The following CXCL16 variants were observed in gnomAD, a reference collection of about 807,000 sequenced individuals.
CXCL16 encodes the protein C-X-C motif chemokine ligand 16.
A neutral mutation model predicts 23.8 loss-of-function variants in CXCL16; 18 were observed. The ratio of observed to expected loss-of-function variants is 0.76; its 90% confidence interval spans 0.52 to 1.12. CXCL16 has a LOEUF of 1.12. Among genes scored for constraint, CXCL16 ranks in the 50% most tolerant of loss-of-function variants. CXCL16 has a pLI of 0.00. For missense variants in CXCL16, 297 were observed against 315.4 expected (o/e 0.94, Z 0.44); for synonymous variants, 123 against 132.5 (o/e 0.93, Z 0.49).
chr17:4,734,968 G>T, intron 4 of CXCL16, 124 bp downstream of exon 4: 1 of 953,812 alleles, frequency 1.0e-6, no homozygotes, highest in Non-Finnish European at 1.6e-6. Flanking sequence ...AGTCAACCTT[G>T]TGCAGACAAC....
Position 4,738,909 on chromosome 17 carries a change from C to G in CXCL16, c.91G>C (p.Glu31Gln). Residue 31 changes from glutamate to glutamine, a missense_variant, in exon 2 of 6, where the codon GAG becomes CAG. Glu to Gln is a conservative substitution (Grantham distance 29). Transcript: ENST00000293778. This position sits in a 1 kb window ranked among gnomAD's most constrained non-coding sequence, Gnocchi z 4.0. Reference protein sequence around the residue: ...VYLTQPGNGNEGSVTGSCYCG... With the variant: ...VYLTQPGNGNQGSVTGSCYCG... ...TAACAACTTCCAGTGACGCTGCCCT[C>G]GTTGCCATTGCCTGCGCGGGACGGA... is the stretch of plus-strand genomic sequence containing the variant. 1 of 1,613,976 alleles carries G rather than the reference C, an allele frequency of 6.2e-7. No individual in the cohort carries two copies. The highest frequency in any genetic ancestry group is 2.2e-5 in the East Asian group (1 of 44,866).
rs1216613010 is a variant in CXCL16, at chr17:4,739,343, G to C, written c.-4C>G. On this transcript the variant is annotated 5_prime_UTR_variant, in exon 1 of 6. Coordinates refer to ENST00000293778, the MANE Select transcript of CXCL16 (RefSeq NM_001386809.1). The surrounding 1 kb of genome is among the most constrained non-coding windows in gnomAD (Gnocchi z 5.3). ...CGGGCCGCAAGTCCCGTCCCATCTC[G>C]GGGCTCCGCGGACTCTGCGGGGATG... 1.2e-6 allele frequency: 2 copies of C among 1,613,156 alleles called. No individual in the cohort carries two copies. Among genetic ancestry groups the C allele is most frequent in the Non-Finnish European group, 1.7e-6 (2 of 1,179,736 alleles).
chr17:4,739,183 G>T lies in CXCL16; in HGVS notation c.79+78C>A. ...GCTGCCTTCATCCACTCAACTCCGT[G>T]GGCCTCGTGTCCCCTCCCCAACTCA... On this transcript the variant is annotated intron_variant, in intron 1 of 5. Coordinates refer to ENST00000293778, the MANE Select transcript of CXCL16 (RefSeq NM_001386809.1). The surrounding 1 kb of genome is among the most constrained non-coding windows in gnomAD (Gnocchi z 5.3). 12 of 1,513,548 alleles carry T rather than the reference G, an allele frequency of 7.9e-6. No individual in the cohort carries two copies. In the South Asian group the frequency reaches 1.5e-4, roughly 18 times the overall value. 93.8% of individuals were successfully genotyped at this position (1,513,548 alleles called of 1,614,324 possible).
Position 4,739,475 on chromosome 17 carries a change from G to A in CXCL16, c.-136C>T. On this transcript the variant is annotated 5_prime_UTR_variant, in exon 1 of 6. Coordinates refer to ENST00000293778, the MANE Select transcript of CXCL16 (RefSeq NM_001386809.1). The surrounding 1 kb of genome is among the most constrained non-coding windows in gnomAD (Gnocchi z 5.3). ...AGGAGACGGCGGCCGGAGAGGAGGC[G>A]CGAGCCAGCTGCACCCCCCGGCCCT... 2.2e-6 allele frequency: 3 copies of A among 1,352,992 alleles called. No homozygotes were observed. The East Asian group carries it at 7.3e-5, about 33-fold the overall frequency. 83.8% of individuals were successfully genotyped at this position (1,352,992 alleles called of 1,614,324 possible). A position where few individuals can be genotyped will look rare whatever the true frequency, so the allele number is the denominator to read the frequency against.
At position 4,739,006 on chromosome 17, in the gene CXCL16, T is replaced by G. The variant is rs2304972; in HGVS notation, c.80-86A>C. On this transcript the variant is annotated intron_variant, in intron 1 of 5. Coordinates refer to ENST00000293778, the MANE Select transcript of CXCL16 (RefSeq NM_001386809.1). This position sits in a 1 kb window ranked among gnomAD's most constrained non-coding sequence, Gnocchi z 5.3. ...CCCTGGCATCCAATCCACAGCCCCA[T>G]GACAGCCTCTCGGTGGACCCAGGGT... 4,331 of 1,505,590 alleles carry G rather than the reference T, an allele frequency of 2.9e-3. 83 individuals carry two copies. In the East Asian group the frequency reaches 0.036, roughly 12 times the overall value. The allele number at this position is 1,505,590 out of a possible 1,614,324, so 93.3% of individuals were successfully genotyped here.
Position 4,739,869 on chromosome 17 carries a change from A to T in CXCL16, c.-530T>A. On this transcript the variant is annotated 5_prime_UTR_variant, in exon 1 of 6. Transcript: ENST00000293778. This position sits in a 1 kb window ranked among gnomAD's most constrained non-coding sequence, Gnocchi z 5.3. Reference sequence around the variant, plus strand: ...ATGAGCCTCCCGGGCGGCCCGGTGGAGAGAGTCGCCGCCAGCCCCGGCCGC... The same window carrying T: ...ATGAGCCTCCCGGGCGGCCCGGTGGTGAGAGTCGCCGCCAGCCCCGGCCGC... The T allele has an allele frequency of 1.0e-6, 1 of 986,006 alleles. No individual in the cohort carries two copies. Among genetic ancestry groups the T allele is most frequent in the Non-Finnish European group, 1.2e-6 (1 of 830,460 alleles). 61.1% of individuals were successfully genotyped at this position (986,006 alleles called of 1,614,324 possible).
rs767554334 is a variant in CXCL16, at chr17:4,733,991, C to A, written c.*512G>T. 6.5e-6 allele frequency: 1 copy of A among 153,182 alleles called. No homozygotes were observed. The highest frequency in any genetic ancestry group is 6.5e-5 in the Admixed American group (1 of 15,322). The allele number at this position is 153,182 out of a possible 1,614,324, so 9.5% of individuals were successfully genotyped here. On this transcript the variant is annotated 3_prime_UTR_variant, in exon 6 of 6. Coordinates refer to ENST00000293778, the MANE Select transcript of CXCL16 (RefSeq NM_001386809.1). Reference sequence around the variant, plus strand: ...TTGGGAGGCCTGGGTGGGCAGATCACCAGGTCAGGAGTTCGAGACCAGCCT... The same window carrying A: ...TTGGGAGGCCTGGGTGGGCAGATCAACAGGTCAGGAGTTCGAGACCAGCCT...
intron 3 of CXCL16, among the ~76,000 whole-genome samples, chr17:4,736,854 T>G (rs76697559): frequency 8.5e-5 from 13 of 152,210 alleles, no homozygotes; most frequent in African/African-American, 2.9e-4. Context: ...TCTTTTTTTT[T>G]GTTGCCCAGG....
At chr17:4,734,986 C>T (rs2150618211) in intron 4 of CXCL16, 106 bp downstream of exon 4, 1 of 1,102,588 alleles carries the variant, frequency 9.1e-7, no homozygotes, top group Non-Finnish European at 1.3e-6. Context: ...AACCTTGATA[C>T]TTGTGTGCCA....
At chr17:4,735,684 G>C (rs1021821985) in intron 3 of CXCL16, among the ~76,000 whole-genome samples, 176 bp from the exon 4 acceptor site, 6 of 149,800 alleles carry the variant, frequency 4.0e-5, no homozygotes, top group African/African-American at 1.5e-4. Flanking sequence ...TTTAATCACA[G>C]TTTTACATGA....
At chr17:4,734,692 C>T in intron 4 of CXCL16, 40 bp from the exon 5 acceptor site, 1 of 1,542,704 alleles carries the variant, frequency 6.5e-7, no homozygotes, top group Non-Finnish European at 9.0e-7. Context: ...GCTCTGAGAT[C>T]AAGGACAGTG....
At chr17:4,736,019 AAGAT>A (rs777856366) in intron 3 of CXCL16, among the ~76,000 whole-genome samples, 8 of 152,154 alleles carry the variant, frequency 5.3e-5, no homozygotes, top group Non-Finnish European at 1.0e-4. Flanking sequence ...GCAGTGAGCC[AAGAT>A]TGCACAACTG....
chr17:4,734,897 G>A (rs113254810), intron 4 of CXCL16, among the ~76,000 whole-genome samples, 195 bp downstream of exon 4: 1 of 152,314 alleles, frequency 6.6e-6, no homozygotes, highest in African/African-American at 2.4e-5. Flanking sequence ...TTGTGCCTGT[G>A]GTGGCTTCCT....
chr17:4,737,897 C>T (rs11869892), intron 3 of CXCL16, among the ~76,000 whole-genome samples: 33,590 of 150,466 alleles, frequency 0.22, 4,343 homozygotes, highest in South Asian at 0.32. Context: ...TTTTGGAGGC[C>T]GAGGCGGGTG....
intron 5 of CXCL16, 35 bp from the exon 6 acceptor site, chr17:4,734,514 A>G: frequency 2.9e-6 from 3 of 1,028,640 alleles, no homozygotes; most frequent in Non-Finnish European, 4.6e-6. Flanking sequence ...GTATGTATAC[A>G]GTGCCTACCA....
In CXCL16 at chr17:4,735,133, A is replaced by G; in HGVS notation, c.677T>C (p.Leu226Pro). 6.2e-7 allele frequency: 1 copy of G among 1,613,582 alleles called. No individual in the cohort carries two copies. The highest frequency in any genetic ancestry group is 8.5e-7 in the Non-Finnish European group (1 of 1,179,668). The change falls in exon 4 of 6, where the codon CTG becomes CCG. Residue 226 changes from leucine (L) to proline (P), a missense_variant. Transcript: ENST00000293778. ...FILTAALSYV[L>P]CKRRRGQSPQ... ...TGACTGCCCCCTCCTCCTCTTGCAC[A>G]GCACATAGGAAAGGGCTGCGGTGAG...
In CXCL16 at chr17:4,738,435, C is replaced by T. The variant is rs140999028; in HGVS notation, c.274G>A (p.Glu92Lys). Residue 92 changes from glutamate to lysine, a missense_variant, in exon 3 of 6, where the codon GAA (glutamate) becomes AAA (lysine). Glu to Lys is a moderately conservative substitution (Grantham distance 56). Transcript: ENST00000293778. This position sits in a 1 kb window ranked among gnomAD's most constrained non-coding sequence, Gnocchi z 4.0. ...TTGAGATCAAGACAGCTCATCAATT[C>T]CTGAACCCATGGGTCCTTGTTGCCC... ...CGGNKDPWVQ[E>K]LMSCLDLKEC... 1.3e-4 allele frequency: 203 copies of T among 1,614,002 alleles called. 1 individual carries two copies. The highest frequency in any genetic ancestry group is 2.2e-5 in the Non-Finnish European group (26 of 1,179,974).
Position 4,734,661 on chromosome 17 carries a change from G to A in CXCL16, c.719-9C>T. ...ATAATGAACCGGCAGATCTGGAAAG[G>A]ATAAAGAAATTGAGAGATGAGCTCT... On this transcript the variant is annotated splice_polypyrimidine_tract_variant and intron_variant, in intron 4 of 5. Transcript: ENST00000293778. The A allele has an allele frequency of 6.2e-7, 1 of 1,609,244 alleles. No homozygotes were observed. Among genetic ancestry groups the A allele is most frequent in the African/African-American group, 1.3e-5 (1 of 74,970 alleles).
Position 4,738,821 on chromosome 17 carries a change from T to C in CXCL16, c.179A>G (p.Lys60Arg), listed in dbSNP as rs1161874172. 1 of 1,614,006 alleles carries C rather than the reference T, an allele frequency of 6.2e-7. No individual in the cohort carries two copies. Among genetic ancestry groups the C allele is most frequent in the Admixed American group, 1.7e-5 (1 of 60,000 alleles). ...PSVQFMNRLR[K>R]HLRAYHRCLY... ...ACACCGATGGTAAGCTCTCAGGTGT[T>C]TCCGGAGACGATTCATGAACTGAAC... The change falls in exon 2 of 6, where the codon AAA (lysine) becomes AGA (arginine). Residue 60 changes from lysine (K) to arginine (R), a missense_variant. Transcript: ENST00000293778. The surrounding 1 kb of genome is among the most constrained non-coding windows in gnomAD (Gnocchi z 4.0).
Sources: gnomAD v4.1 joint callset for allele counts (sites outside exome capture counted in the v4.1 genomes callset) on GRCh38, gnomAD v4.1.1 for gene constraint, Gnocchi (gnomAD v3.1) non-coding constraint, MANE v1.5 for transcripts, NCBI Gene and HGNC (gene_info 2026-07-23, HGNC 2026-07-21) for gene names.